The following KCNH8 variants were observed in gnomAD, a reference collection of about 807,000 sequenced individuals.
KCNH8 encodes the protein voltage-gated delayed rectifier potassium channel KCNH8.
KCNH8 carries 70 observed loss-of-function variants against 103.6 expected under a neutral mutation model. The observed-to-expected ratio is 0.68, with a 90% confidence interval of 0.56 to 0.82. The LOEUF is 0.82. Among genes scored for constraint, KCNH8 ranks in the 40% least tolerant of loss-of-function variants. KCNH8 has a pLI of 0.00. For missense variants in KCNH8, 1,217 were observed against 1,329.9 expected, an observed-to-expected ratio of 0.92 and a Z score of 1.32; for synonymous variants, 498 against 489.4, an observed-to-expected ratio of 1.02 and a Z score of -0.23.
intron 2 of KCNH8, among the ~76,000 whole-genome samples, chr3:19,264,277 A>G (rs908089763): frequency 1.3e-5 from 2 of 152,122 alleles, no homozygotes; most frequent in Admixed American, 1.3e-4. Flanking sequence ...AAGGTAGCAC[A>G]TGCAGCCTGT....
intron 8 of KCNH8, 144 bp downstream of exon 8, chr3:19,438,505 G>T: frequency 1.4e-6 from 1 of 699,776 alleles, no homozygotes; most frequent in Non-Finnish European, 2.3e-6. Context: ...CAGTCTAGAT[G>T]CAAAGCTGTA....
chr3:19,245,041 A>T (rs7610439), intron 1 of KCNH8, among the ~76,000 whole-genome samples: 6,538 of 152,188 alleles, frequency 0.043, 484 homozygotes, highest in African/African-American at 0.15. Context: ...CAAGGCCAAT[A>T]TTGAGAAGGC....
intron 1 of KCNH8, among the ~76,000 whole-genome samples, chr3:19,182,344 C>T (rs1220680526): frequency 2.0e-5 from 3 of 151,898 alleles, no homozygotes; most frequent in Non-Finnish European, 1.5e-5. Flanking sequence ...CTGGCTAACA[C>T]GGTGAAACCC....
At chr3:19,186,217 A>T (rs1461257606) in intron 1 of KCNH8, among the ~76,000 whole-genome samples, 1 of 151,604 alleles carries the variant, frequency 6.6e-6, no homozygotes, top group African/African-American at 2.4e-5. Flanking sequence ...ACATTGCTGC[A>T]TCGCACAATT....
At chr3:19,157,710 T>C (rs1348004483) in intron 1 of KCNH8, among the ~76,000 whole-genome samples, 4 of 151,998 alleles carry the variant, frequency 2.6e-5, no homozygotes, top group South Asian at 2.1e-4. Flanking sequence ...TTTACTATAA[T>C]TGAAGTTCAG....
intron 3 of KCNH8, among the ~76,000 whole-genome samples, chr3:19,310,030 C>T (rs1398016929): frequency 6.6e-6 from 1 of 151,920 alleles, no homozygotes; most frequent in Non-Finnish European, 1.5e-5. Flanking sequence ...AGGAACTCTG[C>T]ATCCCAAAAA....
chr3:19,512,915 T>C (rs1427949098), intron 12 of KCNH8, 55 bp from the exon 13 acceptor site: 60 of 1,497,364 alleles, frequency 4.0e-5, no homozygotes, highest in African/African-American at 7.0e-5. Flanking sequence ...ATTAATGATA[T>C]ACCTTTTCTG....
intron 3 of KCNH8, among the ~76,000 whole-genome samples, chr3:19,287,947 A>G (rs1351888239): frequency 6.6e-6 from 1 of 152,108 alleles, no homozygotes; most frequent in Non-Finnish European, 1.5e-5. Context: ...GGACAAGTCA[A>G]GCTGCCCTGT....
intron 5 of KCNH8, among the ~76,000 whole-genome samples, chr3:19,384,058 T>C (rs1042840796): frequency 3.3e-5 from 5 of 152,186 alleles, no homozygotes; most frequent in Non-Finnish European, 2.9e-5. Flanking sequence ...AATGGACATG[T>C]TACATGGAAG....
chr3:19,388,819 C>T (rs1188767538), intron 5 of KCNH8, among the ~76,000 whole-genome samples: 2 of 152,078 alleles, frequency 1.3e-5, no homozygotes, highest in Non-Finnish European at 2.9e-5. Context: ...GGGTCTTGCT[C>T]TTTCACTAAC....
At chr3:19,242,825 A>G (rs1575463041) in intron 1 of KCNH8, among the ~76,000 whole-genome samples, 1 of 152,302 alleles carries the variant, frequency 6.6e-6, no homozygotes, top group East Asian at 1.9e-4. Flanking sequence ...GGAGATTCCA[A>G]TAGATGAGGT....
At chr3:19,163,747 C>G (rs548911995) in intron 1 of KCNH8, among the ~76,000 whole-genome samples, 1 of 152,138 alleles carries the variant, frequency 6.6e-6, no homozygotes, top group African/African-American at 2.4e-5. Context: ...ACAAGACTGA[C>G]CCCTCCTCTT....
intron 7 of KCNH8, among the ~76,000 whole-genome samples, chr3:19,435,111 T>A (rs1217327884): frequency 6.6e-6 from 1 of 152,176 alleles, no homozygotes; most frequent in Admixed American, 6.5e-5. Flanking sequence ...TGGTAATCAT[T>A]TCATAACGTA....
In KCNH8 at chr3:19,372,199, G is replaced by T. The variant is rs1309074974; in HGVS notation, c.812-18282G>T. Among the ~76,000 whole-genome samples, 3 of 152,050 alleles carry T rather than the reference G, an allele frequency of 2.0e-5. No individual in the cohort carries two copies. In the South Asian group the frequency reaches 6.2e-4, roughly 32 times the overall value. On this transcript the variant is annotated intron_variant, in intron 5 of 15. Transcript: ENST00000328405. ...TGGCACTGAATCTATAAATTACCTTGGGCAGTATGGCCATTTTCACGATAT... is the reference window on the plus strand; with the variant it reads ...TGGCACTGAATCTATAAATTACCTTTGGCAGTATGGCCATTTTCACGATAT...
chr3:19,235,770 C>T (rs2125241443), intron 1 of KCNH8, among the ~76,000 whole-genome samples: 1 of 152,278 alleles, frequency 6.6e-6, no homozygotes, highest in Admixed American at 6.5e-5. Context: ...CACAGAGTTA[C>T]AGCGATCTAA....
At chr3:19,244,867 A>G (rs2064184784) in intron 1 of KCNH8, among the ~76,000 whole-genome samples, 1 of 151,948 alleles carries the variant, frequency 6.6e-6, no homozygotes, top group Admixed American at 6.6e-5. Flanking sequence ...TAGATATTAG[A>G]TCTTTGTCAG....
At chr3:19,451,057 C>A in intron 9 of KCNH8, 98 bp from the exon 10 acceptor site, 1 of 1,186,688 alleles carries the variant, frequency 8.4e-7, no homozygotes, top group Non-Finnish European at 1.2e-6. Flanking sequence ...GGCCAAACAG[C>A]AGGAGACAGT....
chr3:19,377,225 A>G (rs1196020034), intron 5 of KCNH8, among the ~76,000 whole-genome samples: 1 of 152,220 alleles, frequency 6.6e-6, no homozygotes, highest in Non-Finnish European at 1.5e-5. Context: ...AAATGAAAAG[A>G]CGGTATTTTC....
chr3:19,165,689 A>G (rs1308080161), intron 1 of KCNH8, among the ~76,000 whole-genome samples: 1 of 152,208 alleles, frequency 6.6e-6, no homozygotes, highest in Non-Finnish European at 1.5e-5. Context: ...TGTCTTCTTA[A>G]AAAGCATAAA....
Sources: allele counts gnomAD v4.1 joint callset (sites outside exome capture counted in the v4.1 genomes callset), GRCh38; gene constraint gnomAD v4.1.1; transcripts MANE v1.5; gene names NCBI Gene and HGNC (gene_info 2026-07-23, HGNC 2026-07-21).